The following ELP6 variants were observed in gnomAD, a reference collection of about 807,000 sequenced individuals.
ELP6 encodes the protein elongator complex protein 6.
ELP6 carries 23 observed loss-of-function variants against 28.1 expected under a neutral mutation model. The observed-to-expected ratio is 0.82, with a 90% confidence interval of 0.59 to 1.16. The LOEUF is 1.16. Among genes scored for constraint, ELP6 ranks in the 50% most tolerant of loss-of-function variants. The pLI is 0.00. For synonymous variants in ELP6, 132 were observed against 135.8 expected, an observed-to-expected ratio of 0.97 and a Z score of 0.19; for missense variants, 313 against 334.6, an observed-to-expected ratio of 0.94 and a Z score of 0.50.
At chr3:47,497,527 G>A (rs1472916238) in intron 6 of ELP6, among the ~76,000 whole-genome samples, 1 of 151,782 alleles carries the variant, frequency 6.6e-6, no homozygotes, top group South Asian at 2.1e-4. Flanking sequence ...ATTAGAGATG[G>A]GATTTCACCA....
intron 5 of ELP6, chr3:47,498,757 T>A (rs1200319816): frequency 6.2e-6 from 6 of 972,780 alleles, no homozygotes; most frequent in African/African-American, 1.8e-5. Flanking sequence ...AACCATTCAT[T>A]CAGTCAACAG....
At chr3:47,507,808 G>A (rs1708886034) in intron 3 of ELP6, among the ~76,000 whole-genome samples, 1 of 152,126 alleles carries the variant, frequency 6.6e-6, no homozygotes, top group Admixed American at 6.6e-5. Flanking sequence ...CATCACCCTT[G>A]CTCTTGCTCA....
chr3:47,498,114 A>G (rs562028881), intron 6 of ELP6, 172 bp downstream of exon 6: 179 of 1,353,290 alleles, frequency 1.3e-4, no homozygotes, highest in Non-Finnish European at 1.4e-4. Flanking sequence ...CCATGAGGCT[A>G]AGCGCAATCT....
intron 4 of ELP6, among the ~76,000 whole-genome samples, chr3:47,502,114 A>G (rs1708679966): frequency 6.6e-6 from 1 of 152,144 alleles, no homozygotes; most frequent in African/African-American, 2.4e-5. Context: ...CGCCCTTAAG[A>G]GACACCATAC....
chr3:47,500,415 A>T, intron 5 of ELP6: 1 of 187,732 alleles, frequency 5.3e-6, no homozygotes, highest in East Asian at 1.9e-4. Flanking sequence ...AAAAAAACAA[A>T]TATGTGCATA....
At chr3:47,503,918 TTTTAAAAAAGACAAACAG>T (rs1361245441) in intron 4 of ELP6, among the ~76,000 whole-genome samples, 1 of 151,924 alleles carries the variant, frequency 6.6e-6, no homozygotes, top group Non-Finnish European at 1.5e-5. Flanking sequence ...AAAAAAGGAA[TTTTAAAAAAGACAAACAG>T]TTTAAAAAAT....
At chr3:47,496,955 G>C in intron 6 of ELP6, 1 of 985,428 alleles carries the variant, frequency 1.0e-6, no homozygotes, top group Non-Finnish European at 1.2e-6. Flanking sequence ...TGGCTGAAGA[G>C]AGGCCACAGC....
chr3:47,511,463 C>T (rs1709015565), intron 1 of ELP6: 2 of 1,332,916 alleles, frequency 1.5e-6, no homozygotes, highest in African/African-American at 3.0e-5. Flanking sequence ...TCAGCCTCCA[C>T]CTCCTCAAAG....
chr3:47,511,446 G>C, intron 1 of ELP6: 1 of 1,353,894 alleles, frequency 7.4e-7, no homozygotes, highest in Middle Eastern at 2.8e-4. Context: ...TGATAGGCAA[G>C]CATATCTCAG....
At chr3:47,510,366 T>C in intron 2 of ELP6, 112 bp from the exon 3 acceptor site, 1 of 767,576 alleles carries the variant, frequency 1.3e-6, no homozygotes, top group Non-Finnish European at 2.1e-6. Context: ...CCAGAGGCTT[T>C]GCAACCTGAC....
Position 47,496,142 on chromosome 3 carries a change from A to G in ELP6, c.728T>C (p.Phe243Ser). Residue 243 changes from phenylalanine (F) to serine (S), a missense_variant, in exon 7 of 7, where the codon TTC becomes TCC. Phe to Ser is a radical substitution (Grantham distance 155, BLOSUM62 -2). Transcript: ENST00000296149. Reference sequence around the variant, plus strand: ...GTCCTGTATCTTATACTGGTAAGTGAAGCTCTGATCCCGGTGGACTGCGGG... The same window carrying G: ...GTCCTGTATCTTATACTGGTAAGTGGAGCTCTGATCCCGGTGGACTGCGGG... ...SQPAVHRDQS[F>S]TYQYKIQDKS... 1 of 1,614,164 alleles carries G rather than the reference A, an allele frequency of 6.2e-7. No individual in the cohort carries two copies. Among genetic ancestry groups the G allele is most frequent in the Non-Finnish European group, 8.5e-7 (1 of 1,180,024 alleles).
intron 6 of ELP6, 113 bp downstream of exon 6, chr3:47,498,173 C>A: frequency 6.9e-7 from 1 of 1,458,984 alleles, no homozygotes; most frequent in South Asian, 1.2e-5. Context: ...GTTTCCCTTC[C>A]ACCTGAAGTC....
intron 6 of ELP6, 187 bp from the exon 7 acceptor site, chr3:47,496,384 C>T (rs1708478681): frequency 1.0e-6 from 1 of 984,934 alleles, no homozygotes; most frequent in Non-Finnish European, 1.2e-6. Context: ...ATAAAGGGTT[C>T]CCCTCCATTA....
At position 47,495,972 on chromosome 3, in the gene ELP6, A is replaced by C. The variant is rs1348328149; in HGVS notation, c.*97T>G. On this transcript the variant is annotated 3_prime_UTR_variant, in exon 7 of 7. Transcript: ENST00000296149. ...AGTGGAGTCGCCGGTCCAGCCTGAAATATTACTACAGAGGAGAAAGACCCA... is the reference window on the plus strand; with the variant it reads ...AGTGGAGTCGCCGGTCCAGCCTGAACTATTACTACAGAGGAGAAAGACCCA... The C allele has an allele frequency of 3.1e-6, 5 of 1,594,948 alleles. No homozygotes were observed. In the East Asian group the frequency reaches 1.1e-4, roughly 36 times the overall value.
At chr3:47,506,454 A>G (rs559364519) in intron 3 of ELP6, among the ~76,000 whole-genome samples, 24 of 152,300 alleles carry the variant, frequency 1.6e-4, no homozygotes, top group Non-Finnish European at 2.9e-4. Flanking sequence ...AGCCTCGACC[A>G]TAGAAGACGG....
At chr3:47,511,819 C>T (rs751402122) in intron 1 of ELP6, 18 of 985,836 alleles carry the variant, frequency 1.8e-5, no homozygotes, top group African/African-American at 5.2e-5. Context: ...GACTGTCCTG[C>T]TCCATTCACC....
intron 3 of ELP6, among the ~76,000 whole-genome samples, chr3:47,506,181 G>A (rs1708831002): frequency 6.6e-6 from 1 of 152,200 alleles, no homozygotes; most frequent in Admixed American, 6.5e-5. Context: ...GTGCGAATAG[G>A]TGTGGGTCAC....
chr3:47,499,283 G>A (rs1382214582), intron 5 of ELP6, among the ~76,000 whole-genome samples: 2 of 152,100 alleles, frequency 1.3e-5, no homozygotes, highest in African/African-American at 4.8e-5. Context: ...TTGGAAGGCC[G>A]AGGTGGGTGG....
intron 5 of ELP6, chr3:47,500,155 G>C (rs1708605534): frequency 8.7e-7 from 1 of 1,155,496 alleles, no homozygotes; most frequent in Admixed American, 4.3e-5. Flanking sequence ...AAAGGGAAAA[G>C]AATGAAGCAG....
Sources: gnomAD v4.1 joint callset for allele counts (sites outside exome capture counted in the v4.1 genomes callset) on GRCh38, gnomAD v4.1.1 for gene constraint, MANE v1.5 for transcripts, NCBI Gene and HGNC (gene_info 2026-07-23, HGNC 2026-07-21) for gene names.